The following ADGRL3 variants were observed in gnomAD, a reference collection of about 807,000 sequenced individuals.
ADGRL3 encodes adhesion G protein-coupled receptor L3, also known as calcium-independent alpha-latrotoxin receptor 3.
In ADGRL3, 62 loss-of-function variants were observed where a neutral mutation model predicts 153.5. The observed-to-expected ratio is 0.40, with a 90% confidence interval of 0.33 to 0.50. The LOEUF (loss-of-function observed/expected upper bound fraction) is 0.50. Among genes scored for constraint, ADGRL3 ranks in the 20% least tolerant of loss-of-function variants. ADGRL3 has a pLI of 0.47. For synonymous variants in ADGRL3, 710 were observed against 672.5 expected (o/e 1.06, Z -0.86); for missense variants, 1,641 against 1,859.4 (o/e 0.88, Z 2.16).
chr4:61,788,000 A>G (rs1294654817), intron 8 of ADGRL3, among the ~76,000 whole-genome samples: 1 of 152,218 alleles, frequency 6.6e-6, no homozygotes. Context: ...TCCACAACAT[A>G]TATACATATG....
intron 1 of ADGRL3, among the ~76,000 whole-genome samples, chr4:61,381,979 T>C (rs4860092): frequency 0.66 from 99,390 of 151,708 alleles, 32,779 homozygotes; most frequent in Middle Eastern, 0.8. Flanking sequence ...TTTTTTAAGT[T>C]CCTGAACAAA....
At chr4:61,623,797 T>C (rs1421703814) in intron 5 of ADGRL3, among the ~76,000 whole-genome samples, 2 of 152,172 alleles carry the variant, frequency 1.3e-5, no homozygotes, top group Non-Finnish European at 2.9e-5. Flanking sequence ...CTAACCGTGT[T>C]ACATAAGAGC....
chr4:61,801,116 T>G (rs532128613), intron 8 of ADGRL3, among the ~76,000 whole-genome samples: 3 of 152,170 alleles, frequency 2.0e-5, no homozygotes, highest in Admixed American at 1.3e-4. Flanking sequence ...TTTACACCTG[T>G]GGGTGAAAAC....
At chr4:62,031,748 G>A (rs1393195749) in intron 23 of ADGRL3, 138 bp downstream of exon 23, 4 of 593,014 alleles carry the variant, frequency 6.7e-6, no homozygotes, top group South Asian at 3.3e-5. Context: ...TAACAGTAAA[G>A]CAAAACAAAC....
At chr4:61,412,107 T>TTTGA (rs199900364) in intron 2 of ADGRL3, among the ~76,000 whole-genome samples, 1 of 151,720 alleles carries the variant, frequency 6.6e-6, no homozygotes, top group African/African-American at 2.4e-5. Flanking sequence ...TGTTTGTTTG[T>TTTGA]TTTTTGGAGA....
At chr4:61,611,221 A>C (rs2091302194) in intron 5 of ADGRL3, among the ~76,000 whole-genome samples, 1 of 152,110 alleles carries the variant, frequency 6.6e-6, no homozygotes, top group Non-Finnish European at 1.5e-5. Flanking sequence ...GGGCAGACAG[A>C]GGAAATAGAT....
At chr4:61,880,051 G>T (rs1413984648) in intron 9 of ADGRL3, among the ~76,000 whole-genome samples, 2 of 152,104 alleles carry the variant, frequency 1.3e-5, no homozygotes, top group African/African-American at 4.8e-5. Flanking sequence ...AAGGCGGTGG[G>T]TAGGCTTGGT....
chr4:61,767,314 C>G (rs1018962350), intron 8 of ADGRL3, among the ~76,000 whole-genome samples: 4 of 151,036 alleles, frequency 2.6e-5, no homozygotes, highest in African/African-American at 9.9e-5. Flanking sequence ...AAAAGGAGTG[C>G]TTAAAAGAGT....
chr4:61,713,707 G>T (rs1417039435), intron 6 of ADGRL3, among the ~76,000 whole-genome samples: 2 of 151,948 alleles, frequency 1.3e-5, no homozygotes, highest in African/African-American at 2.4e-5. Flanking sequence ...AGAAATAAGA[G>T]CCCAAAAAAT....
Position 61,909,636 on chromosome 4 carries a change from A to C in ADGRL3, c.1964A>C (p.Asp655Ala). 1 of 1,613,250 alleles carries C rather than the reference A, an allele frequency of 6.2e-7. No individual in the cohort carries two copies. The highest frequency in any genetic ancestry group is 8.5e-7 in the Non-Finnish European group (1 of 1,179,650). ...ACAAGAAATCACTTGAATGCTGGGG[A>C]CATCACCTACTCTGTCCGGGCCATG... ...EQTRNHLNAGDITYSVRAMDQ... is the reference protein window; with the variant it reads ...EQTRNHLNAGAITYSVRAMDQ... The change falls in exon 12 of 27, where the codon GAC (aspartate) becomes GCC (alanine). Residue 655 changes from aspartate to alanine, a missense_variant. This residue lies in a region of ADGRL3 where 734 missense variants were observed against 797.0 expected (regional missense o/e 0.92). Coordinates refer to ENST00000683033, the MANE Select transcript of ADGRL3 (RefSeq NM_001387552.1).
chr4:62,058,652 C>T (rs977449194), intron 25 of ADGRL3, among the ~76,000 whole-genome samples: 3 of 152,106 alleles, frequency 2.0e-5, no homozygotes, highest in Admixed American at 6.6e-5. Context: ...AATTCACCAT[C>T]GTATGTATGT....
At chr4:61,872,585 C>T (rs1183118236) in intron 9 of ADGRL3, among the ~76,000 whole-genome samples, 1 of 150,726 alleles carries the variant, frequency 6.6e-6, no homozygotes, top group East Asian at 1.9e-4. Context: ...GACTATTCTC[C>T]CCCAGGTTTC....
intron 4 of ADGRL3, among the ~76,000 whole-genome samples, chr4:61,543,018 A>T (rs556243563): frequency 7.2e-5 from 11 of 152,252 alleles, no homozygotes; most frequent in African/African-American, 2.4e-4. Flanking sequence ...GACTCACAGA[A>T]TTGAGTTGAT....
chr4:61,334,220 A>T lies in ADGRL3; in HGVS notation c.-239-48904A>T, dbSNP rs756441128. On this transcript the variant is annotated intron_variant, in intron 1 of 26. Coordinates refer to ENST00000683033, the MANE Select transcript of ADGRL3 (RefSeq NM_001387552.1). ...GCGTAAGCCACCGCGCCCAGCCAAC[A>T]TTTTTTTTAAATGCTTTTTATAGTG... is the stretch of plus-strand genomic sequence containing the variant. Among the ~76,000 whole-genome samples, 155 of 152,002 alleles carry T rather than the reference A, an allele frequency of 1.0e-3. 1 individual carries two copies. The highest frequency in any genetic ancestry group is 1.8e-3 in the Admixed American group (28 of 15,242).
chr4:61,574,192 C>A (rs1455183112), intron 4 of ADGRL3, among the ~76,000 whole-genome samples: 2 of 151,930 alleles, frequency 1.3e-5, no homozygotes, highest in African/African-American at 4.8e-5. Flanking sequence ...ATCAGCATTA[C>A]TAGAAAGATA....
At chr4:61,468,448 T>G (rs887893884) in intron 2 of ADGRL3, among the ~76,000 whole-genome samples, 1 of 152,146 alleles carries the variant, frequency 6.6e-6, no homozygotes, top group Non-Finnish European at 1.5e-5. Flanking sequence ...AAAGGAACCA[T>G]TTTTCTCTAA....
chr4:62,058,708 A>G (rs1738422269), intron 25 of ADGRL3, among the ~76,000 whole-genome samples: 1 of 152,182 alleles, frequency 6.6e-6, no homozygotes, highest in African/African-American at 2.4e-5. Context: ...GCTGAAAAAC[A>G]GTGACAGATG....
At chr4:61,496,483 G>A (rs1012610999) in intron 2 of ADGRL3, among the ~76,000 whole-genome samples, 2 of 151,956 alleles carry the variant, frequency 1.3e-5, no homozygotes, top group African/African-American at 2.4e-5. Flanking sequence ...GACCAACATG[G>A]AGAAACCCCC....
intron 5 of ADGRL3, among the ~76,000 whole-genome samples, chr4:61,641,592 C>T (rs552652152): frequency 1.4e-3 from 220 of 152,036 alleles, no homozygotes; most frequent in Non-Finnish European, 2.6e-3. Flanking sequence ...CAATTTCATC[C>T]ATGTCCCTAC....
Sources: gnomAD v4.1 joint callset for allele counts (sites outside exome capture counted in the v4.1 genomes callset) on GRCh38, gnomAD v4.1.1 for gene constraint, gnomAD v4.1.1 regional missense constraint, MANE v1.5 for transcripts, NCBI Gene and HGNC (gene_info 2026-07-23, HGNC 2026-07-21) for gene names.